ZNF697: variants seen among roughly 807,000 people sequenced by gnomAD.
ZNF697 encodes zinc finger protein 697.
In ZNF697, 23 loss-of-function variants were observed where a neutral mutation model predicts 32.4. The observed-to-expected ratio is 0.71, with a 90% confidence interval of 0.51 to 1.01. The LOEUF (loss-of-function observed/expected upper bound fraction) is 1.01, where lower values mean the gene tolerates loss of function less well. ZNF697 is among the 50% of genes least tolerant of loss of function. The pLI is 0.00. For missense variants in ZNF697, 930 were observed against 794.0 expected (o/e 1.17, Z -2.06); for synonymous variants, 418 against 337.2 (o/e 1.24, Z -2.62).
intron 1 of ZNF697, among the ~76,000 whole-genome samples, chr1:119,630,823 A>G (rs1648740136): frequency 1.3e-5 from 2 of 151,862 alleles, no homozygotes; most frequent in East Asian, 1.9e-4. Flanking sequence ...GACTGACCCC[A>G]CCTTCCCCCG....
At chr1:119,638,877 G>A (rs1648993404) in intron 1 of ZNF697, among the ~76,000 whole-genome samples, 1 of 152,178 alleles carries the variant, frequency 6.6e-6, no homozygotes, top group South Asian at 2.1e-4. Context: ...AAGCACATGC[G>A]AAGGAGTCAA....
At chr1:119,641,196 T>C (rs1484842660) in intron 1 of ZNF697, among the ~76,000 whole-genome samples, 2 of 152,198 alleles carry the variant, frequency 1.3e-5, no homozygotes, top group Non-Finnish European at 2.9e-5. Flanking sequence ...CAGACTAGTG[T>C]AGGCTGTGGC....
At chr1:119,625,779 C>T (rs1648560626) in intron 2 of ZNF697, 96 bp downstream of exon 2, 2 of 1,491,750 alleles carry the variant, frequency 1.3e-6, no homozygotes, top group Non-Finnish European at 1.8e-6. Flanking sequence ...TATGGAACTC[C>T]CTTACAGAGA....
At chr1:119,646,486 G>T (rs1557943565) in intron 1 of ZNF697, among the ~76,000 whole-genome samples, 1 of 151,828 alleles carries the variant, frequency 6.6e-6, no homozygotes, top group Non-Finnish European at 1.5e-5. Flanking sequence ...CTTTATCTCA[G>T]TTCAAATGCC....
chr1:119,634,125 G>A (rs988268064), intron 1 of ZNF697, among the ~76,000 whole-genome samples: 1 of 152,180 alleles, frequency 6.6e-6, no homozygotes, highest in Non-Finnish European at 1.5e-5. Flanking sequence ...GGGGCCAGGT[G>A]ACCTCAGGAA....
At chr1:119,631,341 A>G (rs984752076) in intron 1 of ZNF697, among the ~76,000 whole-genome samples, 1 of 152,192 alleles carries the variant, frequency 6.6e-6, no homozygotes, top group African/African-American at 2.4e-5. Context: ...AGTAACTGAG[A>G]GGTAAATCAG....
In ZNF697 at chr1:119,623,200, G is replaced by A. The variant is rs1254969103; in HGVS notation, c.1143C>T (p.His381=). Residue 381 remains histidine, a synonymous_variant, in exon 3 of 3, where the codon CAC becomes CAT. Coordinates refer to ENST00000421812, the MANE Select transcript of ZNF697 (RefSeq NM_001080470.2). The part of the protein sequence containing the change: ...HQRIHTGEKP[H]GCGECGKRFS... ...AGCGCTTGCCGCACTCGCCACAGCC[G>A]TGCGGCTTCTCGCCCGTGTGGATGC... The A allele has an allele frequency of 1.9e-6, 3 of 1,563,742 alleles. No homozygotes were observed. The highest frequency in any genetic ancestry group is 2.6e-6 in the Non-Finnish European group (3 of 1,150,094).
chr1:119,626,225 T>C, intron 1 of ZNF697, 88 bp from the exon 2 acceptor site: 2 of 1,481,648 alleles, frequency 1.3e-6, no homozygotes, highest in Non-Finnish European at 8.9e-7. Flanking sequence ...TCTAATAAAA[T>C]GTATGGAGTT....
intron 2 of ZNF697, among the ~76,000 whole-genome samples, 182 bp downstream of exon 2, chr1:119,625,693 G>A (rs1272448741): frequency 6.6e-6 from 1 of 152,132 alleles, no homozygotes; most frequent in African/African-American, 2.4e-5. Flanking sequence ...CCTCAGACTG[G>A]GCTGAAAAAA....
At position 119,624,066 on chromosome 1, in the gene ZNF697, C is replaced by T. The variant is rs1046862701; in HGVS notation, c.277G>A (p.Asp93Asn). The change falls in exon 3 of 3, where the codon GAC (aspartate) becomes AAC (asparagine). Residue 93 changes from aspartate (D) to asparagine (N), a missense_variant. Asp to Asn is a conservative substitution (Grantham distance 23). Coordinates refer to ENST00000421812, the MANE Select transcript of ZNF697 (RefSeq NM_001080470.2). ...EGVSVRGEED[D>N]QSGVADMAMF... ...GCCATGTCAGCTACACCGGATTGGT[C>T]ATCCTCTTCCCCACGGACAGAAACG... The T allele has an allele frequency of 6.2e-7, 1 of 1,603,378 alleles. No homozygotes were observed. The highest frequency in any genetic ancestry group is 1.3e-5 in the African/African-American group (1 of 74,456).
Position 119,630,294 on chromosome 1 carries a change from G to A in ZNF697, c.-37-4157C>T, listed in dbSNP as rs118032978. Among the ~76,000 whole-genome samples the A allele has an allele frequency of 8.5e-4, 129 of 152,358 alleles. 1 individual carries two copies. In the East Asian group the frequency reaches 0.018, roughly 22 times the overall value. ...ACACACAGGTGAGTTGATCCAGGAA[G>A]GCATCATTGTCAGTTTCATTAGACA... On this transcript the variant is annotated intron_variant, in intron 1 of 2. Coordinates refer to ENST00000421812, the MANE Select transcript of ZNF697 (RefSeq NM_001080470.2).
chr1:119,644,967 G>A (rs1649164750), intron 1 of ZNF697, among the ~76,000 whole-genome samples: 4 of 152,208 alleles, frequency 2.6e-5, no homozygotes, highest in Admixed American at 2.6e-4. Flanking sequence ...TGAGCACTTT[G>A]CACCTTCATA....
At chr1:119,638,791 G>C (rs765097685) in intron 1 of ZNF697, among the ~76,000 whole-genome samples, 1 of 152,162 alleles carries the variant, frequency 6.6e-6, no homozygotes, top group Non-Finnish European at 1.5e-5. Flanking sequence ...TGAGGAGGCT[G>C]AATGTCCCTT....
At chr1:119,636,557 A>C (rs1177010687) in intron 1 of ZNF697, among the ~76,000 whole-genome samples, 1 of 152,140 alleles carries the variant, frequency 6.6e-6, no homozygotes, top group Admixed American at 6.5e-5. Flanking sequence ...CACAGACAAA[A>C]ATATCAGTAA....
At position 119,623,254 on chromosome 1, in the gene ZNF697, C is replaced by T. The variant is rs764157134; in HGVS notation, c.1089G>A (p.Val363=). The change falls in exon 3 of 3, where the codon GTG becomes GTA. Residue 363 remains valine, a synonymous_variant. Coordinates refer to ENST00000421812, the MANE Select transcript of ZNF697 (RefSeq NM_001080470.2). ...FACGECGKGF[V]RRSHLANHQR... The stretch of plus-strand genomic sequence containing the variant: ...GGTGGTTGGCCAGGTGCGAACGGCG[C>T]ACGAAGCCCTTGCCGCACTCCCCGC... The T allele has an allele frequency of 6.5e-7, 1 of 1,548,518 alleles. No homozygotes were observed. Among genetic ancestry groups the T allele is most frequent in the Non-Finnish European group, 8.7e-7 (1 of 1,151,290 alleles).
Position 119,620,541 on chromosome 1 carries a change from T to A in ZNF697, c.*2164A>T, listed in dbSNP as rs968736050. ...ATTGGCTATATTATTTTCAGGTGGG[T>A]CTAATATGTTTAGTATTCAGATTAC... On this transcript the variant is annotated 3_prime_UTR_variant, in exon 3 of 3. Transcript: ENST00000421812. The A allele has an allele frequency of 5.2e-5, 8 of 152,624 alleles. No homozygotes were observed. Among genetic ancestry groups the A allele is most frequent in the African/African-American group, 1.9e-4 (8 of 41,424 alleles). 9.5% of individuals were successfully genotyped at this position (152,624 alleles called of 1,614,324 possible).
Position 119,625,060 on chromosome 1 carries a change from A to T in ZNF697, c.226+815T>A, listed in dbSNP as rs587663799. 4.3e-4 allele frequency among the ~76,000 whole-genome samples: 65 copies of T among 152,106 alleles called. 1 individual carries two copies. Among genetic ancestry groups the T allele is most frequent in the East Asian group, 3.3e-3 (17 of 5,164 alleles). On this transcript the variant is annotated intron_variant, in intron 2 of 2. Transcript: ENST00000421812. ...GCTGGTGAGCCCAGGTTAGAGGCTG[A>T]TCCAGGACACACACCTGTTGGTCTC...
chr1:119,637,148 G>A (rs1207791556), intron 1 of ZNF697, among the ~76,000 whole-genome samples: 1 of 152,182 alleles, frequency 6.6e-6, no homozygotes, highest in African/African-American at 2.4e-5. Flanking sequence ...AATCTTCAAA[G>A]TGTTAGCAAA....
At chr1:119,642,440 G>C (rs377162933) in intron 1 of ZNF697, among the ~76,000 whole-genome samples, 20 of 151,796 alleles carry the variant, frequency 1.3e-4, no homozygotes, top group Admixed American at 2.6e-4. Flanking sequence ...ATGCTGAGAG[G>C]GGGGGAGGCT....
Sources: gnomAD v4.1 joint callset for allele counts (sites outside exome capture counted in the v4.1 genomes callset) on GRCh38, gnomAD v4.1.1 for gene constraint, MANE v1.5 for transcripts, NCBI Gene and HGNC (gene_info 2026-07-23, HGNC 2026-07-21) for gene names.